Variants in HDAC9 observed in about 807,000 individuals in gnomAD.
HDAC9 encodes the protein histone deacetylase 9.
Under a neutral mutation model 139.4 loss-of-function variants are expected in HDAC9, and 41 were observed. That is an observed-to-expected ratio of 0.29 (90% CI 0.23 to 0.38). The LOEUF (loss-of-function observed/expected upper bound fraction) is 0.38, where lower values mean the gene tolerates loss of function less well. Among genes scored for constraint, HDAC9 ranks in the 10% least tolerant of loss-of-function variants. The probability of loss-of-function intolerance (pLI) is 1.00; values close to 1 mark genes in which losing one functional copy is unlikely to be tolerated. For synonymous variants in HDAC9, 517 were observed against 476.2 expected, an observed-to-expected ratio of 1.09 and a Z score of -1.12; for missense variants, 1,147 against 1,297.0, an observed-to-expected ratio of 0.88 and a Z score of 1.78.
intron 16 of HDAC9, among the ~76,000 whole-genome samples, chr7:18,776,717 A>T (rs1790798101): frequency 6.6e-6 from 1 of 151,904 alleles, no homozygotes; most frequent in Non-Finnish European, 1.5e-5. Context: ...TAGGATAGAC[A>T]GGTGAGGGGT....
At chr7:18,440,908 T>C (rs1291119216) in intron 1 of HDAC9, among the ~76,000 whole-genome samples, 1 of 152,208 alleles carries the variant, frequency 6.6e-6, no homozygotes, top group East Asian at 1.9e-4. Flanking sequence ...GCTGCTTGAC[T>C]TCCAGTCTTT....
intron 22 of HDAC9, among the ~76,000 whole-genome samples, chr7:18,913,917 CAAAA>C (rs1243437098): frequency 6.6e-6 from 1 of 151,694 alleles, no homozygotes; most frequent in Non-Finnish European, 1.5e-5. Context: ...AAAACAAAAA[CAAAA>C]AAACAAAACC....
chr7:18,969,468 A>G (rs1205387814), intron 24 of HDAC9, among the ~76,000 whole-genome samples: 26 of 152,182 alleles, frequency 1.7e-4, no homozygotes, highest in Admixed American at 1.5e-3. Context: ...ACAAAATCCA[A>G]TAGCCAAAAA....
intron 6 of HDAC9, among the ~76,000 whole-genome samples, chr7:18,618,021 A>G (rs1402992390): frequency 6.6e-6 from 1 of 152,158 alleles, no homozygotes; most frequent in African/African-American, 2.4e-5. Flanking sequence ...ATATTATTTT[A>G]TTTTAATTCT....
chr7:18,213,464 A>G (rs1052373209), intron 2 of HDAC9, among the ~76,000 whole-genome samples: 1 of 152,154 alleles, frequency 6.6e-6, no homozygotes, highest in Non-Finnish European at 1.5e-5. Context: ...GCTTGCTTAC[A>G]GATGCTTATT....
intron 6 of HDAC9, among the ~76,000 whole-genome samples, chr7:18,613,115 A>T (rs1837624848): frequency 6.8e-6 from 1 of 148,142 alleles, no homozygotes; most frequent in African/African-American, 2.4e-5. Context: ...AATATATATA[A>T]GTATAATATA....
chr7:18,826,498 G>A (rs1244351814), intron 17 of HDAC9, among the ~76,000 whole-genome samples: 1 of 152,272 alleles, frequency 6.6e-6, no homozygotes, highest in South Asian at 2.1e-4. Flanking sequence ...ATTTTGGCGA[G>A]AAGAAGATCA....
chr7:18,158,700 A>G (rs920203804), intron 1 of HDAC9, among the ~76,000 whole-genome samples: 3 of 152,362 alleles, frequency 2.0e-5, no homozygotes, highest in African/African-American at 4.8e-5. Context: ...TTTGTGACAT[A>G]TAAAGCTCTG....
chr7:18,480,086 A>G (rs1046032084), intron 1 of HDAC9, among the ~76,000 whole-genome samples: 2 of 144,958 alleles, frequency 1.4e-5, no homozygotes, highest in African/African-American at 5.2e-5. Context: ...ACTTTTTAGA[A>G]TTTTTTTCTG....
chr7:18,569,857 A>G (rs557822160), intron 2 of HDAC9, among the ~76,000 whole-genome samples: 1 of 151,322 alleles, frequency 6.6e-6, no homozygotes, highest in South Asian at 2.1e-4. Flanking sequence ...CAGGGAACCT[A>G]AAAAAAAACT....
chr7:18,705,291 T>A (rs1031159880), intron 12 of HDAC9, among the ~76,000 whole-genome samples: 2 of 152,152 alleles, frequency 1.3e-5, no homozygotes, highest in Admixed American at 6.5e-5. Context: ...ACAGCGTCCC[T>A]GACTCCTCCT....
At chr7:18,472,369 T>C (rs213277) in intron 1 of HDAC9, among the ~76,000 whole-genome samples, 2,835 of 152,184 alleles carry the variant, frequency 0.019, 95 homozygotes, top group African/African-American at 0.065. Context: ...AGCCATAGGA[T>C]AAGGATCCTA....
At chr7:18,435,823 A>G (rs1223775406) in intron 1 of HDAC9, among the ~76,000 whole-genome samples, 2 of 151,270 alleles carry the variant, frequency 1.3e-5, no homozygotes, top group Non-Finnish European at 2.9e-5. Context: ...ACATATGTCT[A>G]GACATGGAAA....
intron 12 of HDAC9, among the ~76,000 whole-genome samples, chr7:18,724,110 CT>C (rs1417601477): frequency 4.6e-5 from 7 of 152,104 alleles, no homozygotes; most frequent in Non-Finnish European, 8.8e-5. Flanking sequence ...TCCAATTTGT[CT>C]TTCATATTTA....
chr7:18,458,363 A>G (rs901389524), intron 1 of HDAC9, among the ~76,000 whole-genome samples: 1 of 152,234 alleles, frequency 6.6e-6, no homozygotes, highest in African/African-American at 2.4e-5. Context: ...CTGATAGAAA[A>G]TGGTTACTAG....
At chr7:18,417,014 A>G (rs901816924) in intron 1 of HDAC9, among the ~76,000 whole-genome samples, 4 of 152,118 alleles carry the variant, frequency 2.6e-5, no homozygotes, top group Admixed American at 2.0e-4. Flanking sequence ...GATTTCATTA[A>G]ATTTAGATAT....
chr7:18,645,139 A>C (rs1202481709), intron 9 of HDAC9, among the ~76,000 whole-genome samples: 1 of 152,170 alleles, frequency 6.6e-6, no homozygotes, highest in Non-Finnish European at 1.5e-5. Flanking sequence ...AGAAGCTGAG[A>C]CTTGGAGAGT....
chr7:18,914,143 G>A (rs943194549), intron 22 of HDAC9, among the ~76,000 whole-genome samples: 2 of 151,728 alleles, frequency 1.3e-5, no homozygotes, highest in Admixed American at 6.6e-5. Flanking sequence ...ATGTGAGGAC[G>A]TGGTGACAAG....
At chr7:18,671,237 C>T (rs940977052) in intron 12 of HDAC9, among the ~76,000 whole-genome samples, 1 of 151,960 alleles carries the variant, frequency 6.6e-6, no homozygotes, top group Non-Finnish European at 1.5e-5. Context: ...AAAATAGAGA[C>T]AGTTGTCACG....
Sources: gnomAD v4.1 joint callset for allele counts (sites outside exome capture counted in the v4.1 genomes callset) on GRCh38, gnomAD v4.1.1 for gene constraint, MANE v1.5 for transcripts, NCBI Gene and HGNC (gene_info 2026-07-23, HGNC 2026-07-21) for gene names.